DMD: variants seen among roughly 807,000 people sequenced by gnomAD.
The protein encoded by DMD is dystrophin, also known as mutant dystrophin.
DMD carries 63 observed loss-of-function variants against 330.1 expected under a neutral mutation model. That is an observed-to-expected ratio of 0.19 (90% CI 0.16 to 0.24). The LOEUF (loss-of-function observed/expected upper bound fraction) is 0.24, where lower values mean the gene tolerates loss of function less well. Ranked by LOEUF, DMD falls within the 10% of genes least tolerant of loss-of-function variation. The pLI is 1.00. For missense variants in DMD, 3,344 were observed against 2,684.1 expected, an observed-to-expected ratio of 1.25 and a Z score of -5.43; for synonymous variants, 1,223 against 959.8, an observed-to-expected ratio of 1.27 and a Z score of -5.07.
chrX:32,412,673 AAC>A (rs781011867), intron 29 of DMD, among the ~76,000 whole-genome samples: 28 of 111,639 alleles, frequency 2.5e-4, no homozygotes, highest in African/African-American at 8.8e-4. Flanking sequence ...GTTCACTTTT[AAC>A]AGAGTAGTTG....
chrX:32,892,438 G>A (rs1201347291), intron 2 of DMD, among the ~76,000 whole-genome samples: 1 of 111,932 alleles, frequency 8.9e-6, no homozygotes, highest in Non-Finnish European at 1.9e-5. Flanking sequence ...TTTTTGCCCA[G>A]GCTGGAGCGC....
intron 1 of DMD, among the ~76,000 whole-genome samples, chrX:33,026,325 A>C (rs2094001259): frequency 2.4e-5 from 2 of 83,946 alleles, no homozygotes; most frequent in African/African-American, 4.3e-5. Context: ...AAAAAAAAAA[A>C]AAAAAAAAAA....
At chrX:32,722,843 G>T (rs7891139) in intron 7 of DMD, among the ~76,000 whole-genome samples, 8,352 of 110,316 alleles carry the variant, frequency 0.076, 774 homozygotes, top group African/African-American at 0.26. Flanking sequence ...AGTCCTTAGG[G>T]GTTTCTACAT....
intron 2 of DMD, among the ~76,000 whole-genome samples, chrX:32,978,470 A>G (rs2147193757): frequency 8.9e-6 from 1 of 111,816 alleles, no homozygotes; most frequent in Admixed American, 9.5e-5. Flanking sequence ...GGATTTTTAA[A>G]AATTTATCTT....
intron 48 of DMD, among the ~76,000 whole-genome samples, chrX:31,847,620 G>A (rs2093450175): frequency 9.0e-6 from 1 of 110,998 alleles, no homozygotes; most frequent in African/African-American, 3.3e-5. Context: ...AAGAATATGT[G>A]AAATAAATTG....
chrX:32,731,684 G>A (rs1439944009), intron 7 of DMD, among the ~76,000 whole-genome samples: 3 of 111,706 alleles, frequency 2.7e-5, no homozygotes, highest in South Asian at 3.8e-4. Context: ...TACTCCAACA[G>A]ACCTGCAGCT....
chrX:32,014,256 T>C (rs2095741139), intron 44 of DMD, among the ~76,000 whole-genome samples: 1 of 112,098 alleles, frequency 8.9e-6, no homozygotes, highest in Admixed American at 9.5e-5. Context: ...TTATTTAATT[T>C]CAATTAAAAT....
intron 55 of DMD, among the ~76,000 whole-genome samples, chrX:31,586,815 T>C (rs937493866): frequency 1.8e-5 from 2 of 112,020 alleles, no homozygotes; most frequent in Non-Finnish European, 3.8e-5. Context: ...AAAAACAAAT[T>C]GATCAAAAGG....
intron 48 of DMD, among the ~76,000 whole-genome samples, chrX:31,848,234 C>T (rs751971328): frequency 8.9e-6 from 1 of 111,835 alleles, no homozygotes; most frequent in African/African-American, 3.2e-5. Flanking sequence ...TTTACATAGC[C>T]TTGTAATAGC....
chrX:32,375,688 C>G (rs2097899633), intron 34 of DMD, among the ~76,000 whole-genome samples: 4 of 111,510 alleles, frequency 3.6e-5, no homozygotes, highest in African/African-American at 9.8e-5. Context: ...GTTCTGTATT[C>G]AGTTTATATT....
rs1168457685 is a variant in DMD, at chrX:31,865,670, G to A, written c.7098+9518C>T. ...TCTGACTCCTTACCCACGAAAGCGT[G>A]GAAGCATGGTAACATCAGATTTTGA... On this transcript the variant is annotated intron_variant, in intron 48 of 78. Coordinates refer to ENST00000357033, the MANE Select transcript of DMD (RefSeq NM_004006.3). Among the ~76,000 whole-genome samples, 5 of 30,510 alleles carry A rather than the reference G, an allele frequency of 1.6e-4. 1 individual carries two copies. Among genetic ancestry groups the A allele is most frequent in the African/African-American group, 6.1e-4 (3 of 4,957 alleles). 26.5% of individuals were successfully genotyped at this position (30,510 alleles called of 115,157 possible).
intron 44 of DMD, among the ~76,000 whole-genome samples, chrX:32,127,283 AT>A (rs1324505636): frequency 6.3e-5 from 7 of 111,810 alleles, no homozygotes; most frequent in Non-Finnish European, 7.5e-5. Context: ...TTCTTAGAAC[AT>A]TTACTCAAAA....
chrX:32,215,710 G>A (rs1324057953), intron 44 of DMD, among the ~76,000 whole-genome samples: 1 of 111,082 alleles, frequency 9.0e-6, no homozygotes, highest in African/African-American at 3.3e-5. Flanking sequence ...ATATGTTTCT[G>A]CCTCTCAGGC....
intron 30 of DMD, among the ~76,000 whole-genome samples, chrX:32,392,375 C>T (rs1197794206): frequency 1.8e-5 from 2 of 111,845 alleles, no homozygotes; most frequent in Non-Finnish European, 3.8e-5. Flanking sequence ...TCTCCTGCCT[C>T]AGCCAACCAA....
intron 37 of DMD, among the ~76,000 whole-genome samples, chrX:32,361,444 G>A (rs1456515208): frequency 9.0e-6 from 1 of 111,390 alleles, no homozygotes; most frequent in Non-Finnish European, 1.9e-5. Flanking sequence ...ACTATATAAG[G>A]TCTCTATGTA....
At chrX:32,942,212 G>A (rs187002883) in intron 2 of DMD, among the ~76,000 whole-genome samples, 1 of 111,805 alleles carries the variant, frequency 8.9e-6, no homozygotes, top group East Asian at 2.8e-4. Flanking sequence ...TTCCTATGTC[G>A]TTATTTGAAT....
At chrX:33,087,445 G>T (rs2095024852) in intron 1 of DMD, among the ~76,000 whole-genome samples, 1 of 111,707 alleles carries the variant, frequency 9.0e-6, no homozygotes, top group South Asian at 3.7e-4. Context: ...TGTTTGAGAG[G>T]TTATATTGCC....
intron 47 of DMD, among the ~76,000 whole-genome samples, chrX:31,887,910 G>A (rs1000511011): frequency 1.8e-5 from 2 of 111,842 alleles, no homozygotes; most frequent in Admixed American, 9.5e-5. Flanking sequence ...TCAATCATTC[G>A]CTAATAAAAC....
At chrX:32,437,868 G>A (rs1472467982) in intron 29 of DMD, among the ~76,000 whole-genome samples, 1 of 112,252 alleles carries the variant, frequency 8.9e-6, no homozygotes, top group African/African-American at 3.2e-5. Flanking sequence ...AGAATTGCAT[G>A]TATTATTAGC....
Sources: gnomAD v4.1 joint callset for allele counts (sites outside exome capture counted in the v4.1 genomes callset) on GRCh38, gnomAD v4.1.1 for gene constraint, MANE v1.5 for transcripts, NCBI Gene and HGNC (gene_info 2026-07-23, HGNC 2026-07-21) for gene names.